Variants in GRID2 observed in about 807,000 individuals in gnomAD.
GRID2 encodes glutamate ionotropic receptor delta type subunit 2.
Under a neutral mutation model 114.8 loss-of-function variants are expected in GRID2, and 33 were observed. The ratio of observed to expected loss-of-function variants is 0.29; its 90% CI spans 0.22 to 0.38. GRID2 has a LOEUF of 0.38. Among genes scored for constraint, GRID2 ranks in the 10% least tolerant of loss-of-function variants. GRID2 has a pLI of 1.00. For missense variants in GRID2, 1,184 were observed against 1,257.7 expected, an observed-to-expected ratio of 0.94 and a Z score of 0.89; for synonymous variants, 505 against 449.9, an observed-to-expected ratio of 1.12 and a Z score of -1.55.
chr4:93,596,060 C>T (rs895959188), intron 13 of GRID2, among the ~76,000 whole-genome samples: 3 of 152,018 alleles, frequency 2.0e-5, no homozygotes, highest in South Asian at 2.1e-4. Flanking sequence ...GAACTGGGTT[C>T]GAAATGAGAT....
At chr4:92,656,185 A>C (rs1161409157) in intron 2 of GRID2, among the ~76,000 whole-genome samples, 1 of 151,766 alleles carries the variant, frequency 6.6e-6, no homozygotes, top group African/African-American at 2.4e-5. Context: ...TTATCTGTAC[A>C]TCCTCACACT....
At chr4:92,772,005 T>G (rs1738567510) in intron 2 of GRID2, among the ~76,000 whole-genome samples, 1 of 152,164 alleles carries the variant, frequency 6.6e-6, no homozygotes, top group Non-Finnish European at 1.5e-5. Flanking sequence ...CCTACTGGCC[T>G]CCAAAAACGA....
chr4:92,681,213 G>C lies in GRID2; in HGVS notation c.244+90927G>C, dbSNP rs1214378979. 4.6e-5 allele frequency among the ~76,000 whole-genome samples: 7 copies of C among 152,222 alleles called. No homozygotes were observed. The East Asian group carries it at 1.4e-3, about 30-fold the overall frequency. Reference sequence around the variant, plus strand: ...AGAAAAGATAAAACTACAGGGACAGGGAACACATCAGTGATTGCCAGCGAC... The same window carrying C: ...AGAAAAGATAAAACTACAGGGACAGCGAACACATCAGTGATTGCCAGCGAC... On this transcript the variant is annotated intron_variant, in intron 2 of 15. Transcript: ENST00000282020.
chr4:92,310,530 G>A (rs1725641846), intron 1 of GRID2, among the ~76,000 whole-genome samples: 1 of 151,874 alleles, frequency 6.6e-6, no homozygotes, highest in South Asian at 2.1e-4. Context: ...TCATTAAATT[G>A]GCAAATTTTA....
intron 4 of GRID2, among the ~76,000 whole-genome samples, chr4:93,119,162 A>G (rs1267844839): frequency 1.3e-5 from 2 of 152,176 alleles, no homozygotes; most frequent in East Asian, 3.9e-4. Flanking sequence ...CTCTCATTCA[A>G]GAGTATCAAA....
chr4:93,468,065 A>G (rs1378267827), intron 11 of GRID2, among the ~76,000 whole-genome samples: 1 of 152,218 alleles, frequency 6.6e-6, no homozygotes, highest in African/African-American at 2.4e-5. Flanking sequence ...TTAATAATAT[A>G]TAAGAGCCCC....
intron 1 of GRID2, among the ~76,000 whole-genome samples, chr4:92,398,679 A>G (rs1189406582): frequency 2.0e-5 from 3 of 152,194 alleles, no homozygotes; most frequent in Non-Finnish European, 4.4e-5. Flanking sequence ...AATTATTCTT[A>G]AGGAACTAAG....
chr4:93,224,065 A>G (rs1439695825), intron 6 of GRID2, among the ~76,000 whole-genome samples: 1 of 152,152 alleles, frequency 6.6e-6, no homozygotes, highest in Non-Finnish European at 1.5e-5. Flanking sequence ...CTTGATCACT[A>G]TAATACATAT....
At chr4:92,753,803 T>A (rs1737574048) in intron 2 of GRID2, among the ~76,000 whole-genome samples, 1 of 152,102 alleles carries the variant, frequency 6.6e-6, no homozygotes, top group Admixed American at 6.5e-5. Context: ...GACTCCCCAA[T>A]GAACAAATGT....
rs776431681 is a variant in GRID2, at chr4:92,586,084, A to G, written c.89-4047A>G. ...TGATTCTTGAGTGTCTAAACTATTC[A>G]GGCTCTTTTATACACAGTGTAAGTA... is the stretch of plus-strand genomic sequence containing the variant. On this transcript the variant is annotated intron_variant, in intron 1 of 15. Coordinates refer to ENST00000282020, the MANE Select transcript of GRID2 (RefSeq NM_001510.4). 7.5e-4 allele frequency among the ~76,000 whole-genome samples: 114 copies of G among 151,962 alleles called. 1 individual carries two copies. The highest frequency in any genetic ancestry group is 6.9e-4 in the Non-Finnish European group (47 of 67,822).
At chr4:92,724,802 CAAT>C (rs1248314602) in intron 2 of GRID2, among the ~76,000 whole-genome samples, 1 of 152,170 alleles carries the variant, frequency 6.6e-6, no homozygotes, top group Admixed American at 6.5e-5. Flanking sequence ...GTAATTAAAA[CAAT>C]AAGTACCATG....
intron 8 of GRID2, among the ~76,000 whole-genome samples, chr4:93,319,973 A>G (rs774377332): frequency 6.6e-6 from 1 of 152,114 alleles, no homozygotes; most frequent in Non-Finnish European, 1.5e-5. Flanking sequence ...ACTGTGAGAT[A>G]ACAAATCGGT....
At chr4:92,388,156 C>T (rs781616201) in intron 1 of GRID2, among the ~76,000 whole-genome samples, 4 of 151,958 alleles carry the variant, frequency 2.6e-5, no homozygotes, top group Non-Finnish European at 4.4e-5. Flanking sequence ...AATTTTTCTC[C>T]GAAATCATTC....
intron 8 of GRID2, among the ~76,000 whole-genome samples, chr4:93,276,502 G>A (rs1752074969): frequency 6.6e-6 from 1 of 151,942 alleles, no homozygotes; most frequent in African/African-American, 2.4e-5. Flanking sequence ...GGATTGTGTT[G>A]AATCTGTAGA....
At chr4:93,259,652 T>A (rs937576217) in intron 8 of GRID2, among the ~76,000 whole-genome samples, 5 of 151,894 alleles carry the variant, frequency 3.3e-5, no homozygotes, top group African/African-American at 9.6e-5. Flanking sequence ...AGTTATTTTT[T>A]AATATATTTT....
intron 2 of GRID2, among the ~76,000 whole-genome samples, chr4:92,930,922 T>C (rs116181052): frequency 0.012 from 1,787 of 151,124 alleles, 25 homozygotes; most frequent in Non-Finnish European, 0.014. Flanking sequence ...ATTGGCAGGT[T>C]AATTCTATCA....
At chr4:92,685,818 T>C (rs1733871001) in intron 2 of GRID2, among the ~76,000 whole-genome samples, 1 of 152,082 alleles carries the variant, frequency 6.6e-6, no homozygotes, top group African/African-American at 2.4e-5. Context: ...TCCTTGGAAC[T>C]ATAGTCTCTA....
intron 4 of GRID2, among the ~76,000 whole-genome samples, chr4:93,166,334 T>A (rs759083247): frequency 8.5e-5 from 13 of 152,148 alleles, no homozygotes; most frequent in Non-Finnish European, 1.9e-4. Context: ...TAGCCACTGG[T>A]CTGCTCTCTC....
At chr4:93,354,533 C>CGTATCA (rs1396666904) in intron 8 of GRID2, among the ~76,000 whole-genome samples, 1 of 151,734 alleles carries the variant, frequency 6.6e-6, no homozygotes, top group Non-Finnish European at 1.5e-5. Flanking sequence ...CATTACCAAT[C>CGTATCA]CCTGTATCAC....
Sources: allele counts gnomAD v4.1 joint callset (sites outside exome capture counted in the v4.1 genomes callset), GRCh38; gene constraint gnomAD v4.1.1; transcripts MANE v1.5; gene names NCBI Gene and HGNC (gene_info 2026-07-23, HGNC 2026-07-21).